The following DENND2B variants were observed in gnomAD, a reference collection of about 807,000 sequenced individuals.
The protein encoded by DENND2B is DENN domain-containing protein 2B.
In DENND2B, 32 loss-of-function variants were observed where a neutral mutation model predicts 116.0. That is an observed-to-expected ratio of 0.28 (90% confidence interval 0.21 to 0.37). The LOEUF is 0.37. Ranked by LOEUF, DENND2B falls within the 10% of genes least tolerant of loss-of-function variation. The pLI, the probability that DENND2B is intolerant of heterozygous loss-of-function variation, is 1.00. For missense variants in DENND2B, 1,276 were observed against 1,477.7 expected (o/e 0.86, Z 2.24); for synonymous variants, 588 against 583.9 (o/e 1.01, Z -0.10).
intron 1 of DENND2B, among the ~76,000 whole-genome samples, chr11:8,908,933 C>G (rs570313260): frequency 2.0e-4 from 30 of 152,210 alleles, no homozygotes; most frequent in African/African-American, 7.2e-4. Context: ...CTGTGCTAAG[C>G]ATTTTACAGG....
At chr11:8,729,884 T>G in intron 3 of DENND2B, 66 bp downstream of exon 3, 1 of 1,574,494 alleles carries the variant, frequency 6.4e-7, no homozygotes, top group Non-Finnish European at 8.6e-7. Context: ...CAATCTGTGT[T>G]TGCACTGTCC....
At chr11:8,705,363 T>C (rs1212365591) in intron 13 of DENND2B, among the ~76,000 whole-genome samples, 1 of 152,070 alleles carries the variant, frequency 6.6e-6, no homozygotes, top group Non-Finnish European at 1.5e-5. Context: ...TCTGGGCCCC[T>C]GCACTTGTCA....
intron 1 of DENND2B, among the ~76,000 whole-genome samples, chr11:8,758,507 AG>A (rs1386399210): frequency 6.6e-6 from 1 of 152,178 alleles, no homozygotes; most frequent in African/African-American, 2.4e-5. Context: ...TGGGAAAAAG[AG>A]TTTATATCAG....
At chr11:8,906,213 T>C (rs1307574524) in intron 1 of DENND2B, among the ~76,000 whole-genome samples, 3 of 146,622 alleles carry the variant, frequency 2.0e-5, no homozygotes, top group South Asian at 2.2e-4. Flanking sequence ...TTCTTTTTTT[T>C]TTTTTTTTTT....
At chr11:8,838,537 CT>C (rs1371127203) in intron 4 of DENND2B, among the ~76,000 whole-genome samples, 1 of 152,208 alleles carries the variant, frequency 6.6e-6, no homozygotes, top group Admixed American at 6.5e-5. Context: ...TTGGCAGGGA[CT>C]AACTAAATAT....
intron 1 of DENND2B, among the ~76,000 whole-genome samples, chr11:8,782,220 A>G (rs900238313): frequency 2.0e-5 from 3 of 152,228 alleles, no homozygotes; most frequent in Non-Finnish European, 4.4e-5. Flanking sequence ...TTTAGAAATG[A>G]CTTTGAATGA....
At chr11:8,765,763 C>T (rs1472482588) in intron 1 of DENND2B, among the ~76,000 whole-genome samples, 1 of 152,076 alleles carries the variant, frequency 6.6e-6, no homozygotes, top group Non-Finnish European at 1.5e-5. Context: ...TAAGGCCAGG[C>T]ACAGTGGCTC....
intron 3 of DENND2B, among the ~76,000 whole-genome samples, chr11:8,729,510 T>C (rs1368433480): frequency 6.6e-6 from 1 of 152,216 alleles, no homozygotes; most frequent in Non-Finnish European, 1.5e-5. Flanking sequence ...ATGTTAATGA[T>C]AAAATGCAGT....
intron 1 of DENND2B, among the ~76,000 whole-genome samples, chr11:8,902,002 G>A (rs571984377): frequency 6.6e-5 from 10 of 152,178 alleles, no homozygotes; most frequent in Non-Finnish European, 1.0e-4. Flanking sequence ...CTATATCTTT[G>A]CTGATTTTCT....
intron 3 of DENND2B, among the ~76,000 whole-genome samples, chr11:8,842,323 A>G (rs770101736): frequency 6.6e-6 from 1 of 152,348 alleles, no homozygotes; most frequent in East Asian, 1.9e-4. Flanking sequence ...TGCTGGTCAC[A>G]TTCCGATGAC....
chr11:8,824,703 T>C (rs1044704192), intron 4 of DENND2B, among the ~76,000 whole-genome samples: 4 of 151,930 alleles, frequency 2.6e-5, no homozygotes, highest in Non-Finnish European at 4.4e-5. Flanking sequence ...TTTTTTTTTT[T>C]TTGGAGACAG....
intron 1 of DENND2B, among the ~76,000 whole-genome samples, chr11:8,885,603 C>A (rs1384744765): frequency 1.3e-5 from 2 of 152,106 alleles, no homozygotes; most frequent in Non-Finnish European, 2.9e-5. Flanking sequence ...TTTCTAACTA[C>A]ATAATGAGTA....
At chr11:8,829,142 TGTGGTGTGTGTGTGG>T (rs2062102534) in intron 4 of DENND2B, among the ~76,000 whole-genome samples, 7 of 150,394 alleles carry the variant, frequency 4.7e-5, no homozygotes, top group African/African-American at 1.7e-4. Flanking sequence ...TGTGCATATG[TGTGGTGTGTGTGTGG>T]TGTGTAGTAT....
At chr11:8,877,841 C>T (rs2063860894) in intron 2 of DENND2B, among the ~76,000 whole-genome samples, 1 of 152,130 alleles carries the variant, frequency 6.6e-6, no homozygotes, top group Non-Finnish European at 1.5e-5. Context: ...ATTTATTAAA[C>T]ATCACAAAAC....
intron 2 of DENND2B, among the ~76,000 whole-genome samples, chr11:8,747,975 C>T (rs1207896961): frequency 6.6e-6 from 1 of 152,200 alleles, no homozygotes; most frequent in Non-Finnish European, 1.5e-5. Context: ...TTCAAATACA[C>T]ACCTTGACAG....
chr11:8,841,323 A>G (rs181545177), intron 3 of DENND2B, among the ~76,000 whole-genome samples: 1 of 152,136 alleles, frequency 6.6e-6, no homozygotes, highest in African/African-American at 2.4e-5. Flanking sequence ...CCAAATTAAG[A>G]AACAAACAAA....
rs530106803 is a variant in DENND2B at position 8,901,881 on chromosome 11, T to C, written c.-256+8940A>G. Among the ~76,000 whole-genome samples the C allele has an allele frequency of 1.0e-3, 155 of 152,338 alleles. 4 individuals carry two copies. The South Asian group carries it at 0.031, about 30-fold the overall frequency. On this transcript the variant is annotated intron_variant, in intron 1 of 22. Coordinates refer to the DENND2B transcript ENST00000534127. ...TGAGACTTGTTTTATGACCTAATAA[T>C]GGTCTGTTTTGGAGAATGTTCTGGG...
chr11:8,753,636 ACT>A (rs76137322), intron 1 of DENND2B, among the ~76,000 whole-genome samples: 11,499 of 152,080 alleles, frequency 0.076, 496 homozygotes, highest in South Asian at 0.15. Context: ...AAGTTAGAAG[ACT>A]CTGAGTTGCC....
chr11:8,737,029 G>T (rs2049177396), intron 2 of DENND2B, among the ~76,000 whole-genome samples: 1 of 152,200 alleles, frequency 6.6e-6, no homozygotes, highest in Non-Finnish European at 1.5e-5. Context: ...TACTGGTAGA[G>T]ACGGATCTAC....
Sources: gnomAD v4.1 joint callset for allele counts (sites outside exome capture counted in the v4.1 genomes callset) on GRCh38, gnomAD v4.1.1 for gene constraint, MANE v1.5 for transcripts, NCBI Gene and HGNC (gene_info 2026-07-23, HGNC 2026-07-21) for gene names.